Variants in STRN3 observed in about 807,000 individuals in gnomAD.
The protein encoded by STRN3 is striatin-3.
STRN3 carries 29 observed loss-of-function variants against 95.6 expected under a neutral mutation model. That is an observed-to-expected ratio of 0.30 (90% CI 0.23 to 0.41). STRN3 has a LOEUF of 0.41. Among genes scored for constraint, STRN3 ranks in the 10% least tolerant of loss-of-function variants. The pLI is 1.00. For missense variants in STRN3, 890 were observed against 972.1 expected (o/e 0.92, Z 1.12); for synonymous variants, 331 against 357.6 (o/e 0.93, Z 0.84).
At chr14:30,991,088 A>G (rs1247016480) in intron 1 of STRN3, among the ~76,000 whole-genome samples, 1 of 152,214 alleles carries the variant, frequency 6.6e-6, no homozygotes, top group Non-Finnish European at 1.5e-5. Context: ...GCTGCTTCAG[A>G]AACAGGCCAG....
intron 8 of STRN3, among the ~76,000 whole-genome samples, chr14:30,925,944 C>A (rs1439707552): frequency 6.6e-6 from 1 of 151,910 alleles, no homozygotes; most frequent in Admixed American, 6.6e-5. Context: ...TCATGAATTA[C>A]CTTTTCATGT....
At chr14:30,909,481 A>G (rs1032932976) in intron 13 of STRN3, among the ~76,000 whole-genome samples, 34 of 150,678 alleles carry the variant, frequency 2.3e-4, no homozygotes, top group South Asian at 4.2e-4. Context: ...CCAAAAAAGA[A>G]AGAGAGAGAG....
At chr14:30,918,378 G>A (rs1300710931) in intron 9 of STRN3, among the ~76,000 whole-genome samples, 5 of 151,916 alleles carry the variant, frequency 3.3e-5, no homozygotes, top group African/African-American at 9.7e-5. Context: ...GAATGGTGGT[G>A]TGCGCCTATA....
chr14:30,897,796 ATCT>A, intron 16 of STRN3, among the ~76,000 whole-genome samples: 1 of 152,192 alleles, frequency 6.6e-6, no homozygotes, highest in Non-Finnish European at 1.5e-5. Flanking sequence ...TCAACAAACT[ATCT>A]TCAATTGTTT....
chr14:31,013,782 G>T (rs180891769), intron 1 of STRN3, among the ~76,000 whole-genome samples: 200 of 151,114 alleles, frequency 1.3e-3, no homozygotes, highest in East Asian at 3.3e-3. Context: ...GTAGAAACGG[G>T]GGGGGTCTCA....
chr14:30,945,995 T>C (rs1045913432), intron 5 of STRN3, among the ~76,000 whole-genome samples: 13 of 152,362 alleles, frequency 8.5e-5, no homozygotes, highest in South Asian at 2.1e-4. Context: ...GTAAATTTTA[T>C]GATATGTAAA....
At chr14:30,988,512 C>T (rs1881801240) in intron 1 of STRN3, among the ~76,000 whole-genome samples, 1 of 152,090 alleles carries the variant, frequency 6.6e-6, no homozygotes, top group African/African-American at 2.4e-5. Flanking sequence ...AAAATTAAAG[C>T]ATATCAATGA....
rs563275422 is a variant in STRN3 at position 30,950,974 on chromosome 14, T to C, written c.461-30A>G. ...AAATTAAGAAAAAAAAAGTTTTACA[T>C]ACTTTATTTCGACTCCTGAAAATAT... On this transcript the variant is annotated intron_variant, in intron 3 of 17. Coordinates refer to ENST00000357479, the MANE Select transcript of STRN3 (RefSeq NM_001083893.2). The C allele has an allele frequency of 2.5e-6, 4 of 1,583,436 alleles. No homozygotes were observed. In the South Asian group the frequency reaches 3.4e-5, roughly 13 times the overall value.
chr14:30,959,222 G>A (rs1169802439), intron 1 of STRN3, among the ~76,000 whole-genome samples: 2 of 152,090 alleles, frequency 1.3e-5, no homozygotes, highest in Non-Finnish European at 2.9e-5. Context: ...GCTACTTGAG[G>A]GGCTGAAGCA....
rs747038176 is a variant in STRN3 at position 30,947,223 on chromosome 14, C to T, written c.583G>A (p.Val195Ile). The T allele has an allele frequency of 1.9e-6, 3 of 1,609,270 alleles. No individual in the cohort carries two copies. Among genetic ancestry groups the T allele is most frequent in the Non-Finnish European group, 1.7e-6 (2 of 1,178,302 alleles). ...EVGYTDTILD[V>I]RSQRVRSLLG... is the part of the protein sequence containing the mutation. ...AATGACCTTACCCGCTGAGACCGTA[C>T]ATCTAATATTGTATCTGTATAACCT... Residue 195 changes from valine to isoleucine, a missense_variant, in exon 5 of 18, where the codon GTA becomes ATA. Transcript: ENST00000357479.
chr14:30,936,580 G>T lies in STRN3; in HGVS notation c.761C>A (p.Ala254Asp). 6.2e-7 allele frequency: 1 copy of T among 1,613,628 alleles called. No individual in the cohort carries two copies. The highest frequency in any genetic ancestry group is 1.1e-5 in the South Asian group (1 of 91,044). ...VLETFNFLENADDSDEDEEND... is the reference protein window; with the variant it reads ...VLETFNFLENDDDSDEDEEND... ...TTCCTCATCTTCATCACTGTCATCG[G>T]CATTTTCTAAGAAATTGAACGTCTC... Residue 254 changes from alanine (A) to aspartate (D), a missense_variant, in exon 6 of 18, where the codon GCC becomes GAC. Transcript: ENST00000357479.
chr14:30,928,179 T>C (rs1280359993), intron 8 of STRN3, among the ~76,000 whole-genome samples: 1 of 152,154 alleles, frequency 6.6e-6, no homozygotes, highest in East Asian at 1.9e-4. Context: ...AAGAAAATTG[T>C]GTAACAGGTG....
chr14:30,981,433 G>A (rs955707330), intron 1 of STRN3, among the ~76,000 whole-genome samples: 3 of 152,098 alleles, frequency 2.0e-5, no homozygotes, highest in Non-Finnish European at 2.9e-5. Context: ...TAGAGGCAAG[G>A]TTCAAATGTA....
intron 1 of STRN3, among the ~76,000 whole-genome samples, chr14:30,973,773 G>A (rs1156436288): frequency 2.6e-5 from 4 of 152,108 alleles, no homozygotes; most frequent in Non-Finnish European, 5.9e-5. Flanking sequence ...ATTACACATC[G>A]TGACCAAGAG....
At chr14:30,994,166 A>G (rs1882095282) in intron 1 of STRN3, among the ~76,000 whole-genome samples, 1 of 151,908 alleles carries the variant, frequency 6.6e-6, no homozygotes, top group Non-Finnish European at 1.5e-5. Flanking sequence ...ATGAGCCACC[A>G]GGCCTGGCGA....
intron 1 of STRN3, among the ~76,000 whole-genome samples, chr14:30,974,585 G>A (rs893019242): frequency 9.8e-5 from 13 of 132,646 alleles, no homozygotes; most frequent in Admixed American, 4.0e-4. Flanking sequence ...GGAATCTCAA[G>A]GAACCCCAAA....
rs71112372 is a variant in STRN3, at chr14:31,003,796, T to TTAAAAAAAAA, written c.282+22107_282+22108insTTTTTTTTTA. Among the ~76,000 whole-genome samples, 4 of 115,476 alleles carry TTAAAAAAAAA rather than the reference T, an allele frequency of 3.5e-5. 1 individual carries two copies. The highest frequency in any genetic ancestry group is 5.2e-5 in the Non-Finnish European group (3 of 57,740). The allele number at this position is 115,476 out of a possible 152,430, so 75.8% of individuals were successfully genotyped here. A position where few individuals can be genotyped will look rare whatever the true frequency, so the allele number is the denominator to read the frequency against. On this transcript the variant is annotated intron_variant, in intron 1 of 17. Coordinates refer to ENST00000357479, the MANE Select transcript of STRN3 (RefSeq NM_001083893.2). Reference sequence around the variant, plus strand: ...ACCTTAATGCAAAACACATCTTTCTTAAAAAAAAAAAAAAAAAAAAACTTG... The same window carrying TTAAAAAAAAA: ...ACCTTAATGCAAAACACATCTTTCTTTAAAAAAAAAAAAAAAAAAAAAAAAAAAAAACTTG...
chr14:30,955,967 T>C (rs959596315), intron 2 of STRN3, among the ~76,000 whole-genome samples, 172 bp downstream of exon 2: 5 of 152,218 alleles, frequency 3.3e-5, no homozygotes, highest in Admixed American at 6.5e-5. Flanking sequence ...AATTGAATTA[T>C]TTTAATCTCT....
intron 5 of STRN3, among the ~76,000 whole-genome samples, chr14:30,942,328 G>T (rs1343286449): frequency 1.3e-5 from 2 of 152,118 alleles, no homozygotes; most frequent in African/African-American, 4.8e-5. Context: ...TATTTAAAAT[G>T]GAAGTCTCCA....
Sources: gnomAD v4.1 joint callset for allele counts (sites outside exome capture counted in the v4.1 genomes callset) on GRCh38, gnomAD v4.1.1 for gene constraint, MANE v1.5 for transcripts, NCBI Gene and HGNC (gene_info 2026-07-23, HGNC 2026-07-21) for gene names.